Variants in CREB5 observed in about 807,000 individuals in gnomAD.
CREB5 encodes cAMP responsive element binding protein 5.
In CREB5, 19 loss-of-function variants were observed where a neutral mutation model predicts 57.1. That is an observed-to-expected ratio of 0.33 (90% confidence interval 0.23 to 0.49). The LOEUF is 0.49. Among genes scored for constraint, CREB5 ranks in the 20% least tolerant of loss-of-function variants. CREB5 has a pLI of 0.99. For missense variants in CREB5, 579 were observed against 671.6 expected (o/e 0.86, Z 1.52); for synonymous variants, 238 against 238.3 (o/e 1.00, Z 0.01).
At chr7:28,555,969 C>T (rs912802001) in intron 4 of CREB5, among the ~76,000 whole-genome samples, 3 of 152,090 alleles carry the variant, frequency 2.0e-5, no homozygotes, top group Non-Finnish European at 2.9e-5. Flanking sequence ...TTCCAGTTGC[C>T]GAAGACCAGG....
At position 28,488,387 on chromosome 7, in the gene CREB5, G is replaced by A. The variant is rs190561408; in HGVS notation, c.75+141G>A. 2.7e-3 allele frequency: 1,747 copies of A among 645,302 alleles called. 4 individuals carry two copies. Among genetic ancestry groups the A allele is most frequent in the Non-Finnish European group, 3.0e-3 (1,099 of 368,554 alleles). 40.0% of individuals were successfully genotyped at this position (645,302 alleles called of 1,614,324 possible). On this transcript the variant is annotated intron_variant, in intron 2 of 10. Transcript: ENST00000357727. ...CAAAGTCCCCCTCCCCATCAGTATCGTGATCATCATCATTTTCATCGCCAT... is the reference window on the plus strand; with the variant it reads ...CAAAGTCCCCCTCCCCATCAGTATCATGATCATCATCATTTTCATCGCCAT...
chr7:28,615,975 T>G (rs1351895063), intron 5 of CREB5: 1 of 152,254 alleles, frequency 6.6e-6, no homozygotes, highest in Non-Finnish European at 1.5e-5. Context: ...ACATGTCTTC[T>G]AAAACTCTTA....
chr7:28,782,207 AC>A (rs1807029719), intron 7 of CREB5, among the ~76,000 whole-genome samples: 1 of 152,128 alleles, frequency 6.6e-6, no homozygotes, highest in East Asian at 1.9e-4. Flanking sequence ...AGTGTTTTTG[AC>A]CCAAGACTGC....
At chr7:28,435,043 A>AAGCAG (rs1788891948) in intron 1 of CREB5, among the ~76,000 whole-genome samples, 1 of 151,456 alleles carries the variant, frequency 6.6e-6, no homozygotes, top group Non-Finnish European at 1.5e-5. Flanking sequence ...ATTCCTCTAA[A>AAGCAG]AGCAGAGGGA....
chr7:28,790,461 ATAGAGAG>A (rs1562643046), intron 7 of CREB5, among the ~76,000 whole-genome samples: 4 of 32,898 alleles, frequency 1.2e-4, no homozygotes, highest in Non-Finnish European at 2.9e-4. Context: ...AGAGAGAGAG[ATAGAGAG>A]AGAGAGAAAG....
intron 7 of CREB5, among the ~76,000 whole-genome samples, chr7:28,747,859 C>T (rs919236281): frequency 6.6e-6 from 1 of 152,166 alleles, no homozygotes; most frequent in Admixed American, 6.5e-5. Context: ...TTGTTAAGGG[C>T]GCCCCTCCCC....
At chr7:28,561,302 A>C (rs1795262623) in intron 4 of CREB5, among the ~76,000 whole-genome samples, 1 of 152,156 alleles carries the variant, frequency 6.6e-6, no homozygotes, top group Non-Finnish European at 1.5e-5. Flanking sequence ...AGGAAGACTG[A>C]CTTGAAACAT....
intron 5 of CREB5, among the ~76,000 whole-genome samples, chr7:28,642,973 C>CACACACAT (rs1798725691): frequency 2.5e-4 from 31 of 122,528 alleles, no homozygotes; most frequent in African/African-American, 9.7e-4. Flanking sequence ...CACACACACA[C>CACACACAT]ACACACACAC....
intron 4 of CREB5, among the ~76,000 whole-genome samples, chr7:28,551,805 G>C (rs777715882): frequency 6.7e-6 from 1 of 149,872 alleles, no homozygotes; most frequent in Non-Finnish European, 1.5e-5. Context: ...CAGGGTCTCA[G>C]GGTCACCTCT....
At chr7:28,755,994 T>A (rs1805274423) in intron 7 of CREB5, among the ~76,000 whole-genome samples, 1 of 152,214 alleles carries the variant, frequency 6.6e-6, no homozygotes, top group South Asian at 2.1e-4. Context: ...CAATGTATTC[T>A]ATCTTCTCAA....
At chr7:28,472,061 G>T (rs1314281434) in intron 1 of CREB5, among the ~76,000 whole-genome samples, 3 of 151,046 alleles carry the variant, frequency 2.0e-5, no homozygotes, top group African/African-American at 7.3e-5. Flanking sequence ...CTAACCTATG[G>T]AGAGAGAAAA....
At chr7:28,725,041 T>A (rs935778389) in intron 7 of CREB5, among the ~76,000 whole-genome samples, 1 of 152,180 alleles carries the variant, frequency 6.6e-6, no homozygotes, top group Non-Finnish European at 1.5e-5. Flanking sequence ...TTGAAATAGG[T>A]CATTTAGTTT....
rs1326179858 is a variant in CREB5, at chr7:28,494,977, A to C, written c.147A>C (p.Ile49=). 2 of 1,608,602 alleles carry C rather than the reference A, an allele frequency of 1.2e-6. No individual in the cohort carries two copies. Among genetic ancestry groups the C allele is most frequent in the South Asian group, 1.1e-5 (1 of 89,786 alleles). ...KHEMTLKFPS[I]KTDNMLSDQT... ...AAATGACTTTGAAGTTTCCTTCAAT[A>C]AAAACAGACAATATGTTATCAGGTA... is the stretch of plus-strand genomic sequence containing the variant. Residue 49 remains isoleucine, a synonymous_variant, in exon 3 of 11, where the codon ATA becomes ATC. Transcript: ENST00000357727.
At chr7:28,596,035 C>G (rs1368176845) in intron 5 of CREB5, among the ~76,000 whole-genome samples, 1 of 152,296 alleles carries the variant, frequency 6.6e-6, no homozygotes, top group African/African-American at 2.4e-5. Context: ...TCATGCAATC[C>G]CCTCTAGCTG....
intron 7 of CREB5, among the ~76,000 whole-genome samples, chr7:28,787,296 C>G (rs1807386618): frequency 6.6e-6 from 1 of 152,194 alleles, no homozygotes; most frequent in Non-Finnish European, 1.5e-5. Context: ...GGGCTGTTAG[C>G]ACTTTCATAC....
chr7:28,636,439 G>A (rs1798420624), intron 5 of CREB5, among the ~76,000 whole-genome samples: 1 of 152,080 alleles, frequency 6.6e-6, no homozygotes, highest in Admixed American at 6.6e-5. Flanking sequence ...TACCCCTACT[G>A]CATCCCCTGC....
intron 7 of CREB5, among the ~76,000 whole-genome samples, chr7:28,753,541 T>G (rs1805105034): frequency 6.6e-6 from 1 of 152,222 alleles, no homozygotes; most frequent in Non-Finnish European, 1.5e-5. Flanking sequence ...AAGATATTTC[T>G]GAGAAAATTA....
chr7:28,668,524 G>C (rs1217038584), intron 5 of CREB5, among the ~76,000 whole-genome samples: 1 of 152,046 alleles, frequency 6.6e-6, no homozygotes, highest in Non-Finnish European at 1.5e-5. Flanking sequence ...TGAAATATAT[G>C]TTTTCCTGTA....
At chr7:28,499,143 G>T (rs1792174431) in intron 3 of CREB5, among the ~76,000 whole-genome samples, 1 of 140,548 alleles carries the variant, frequency 7.1e-6, no homozygotes, top group Non-Finnish European at 1.5e-5. Context: ...TCCCCACCCT[G>T]AGTTCTTTAT....
Sources: gnomAD v4.1 joint callset for allele counts (sites outside exome capture counted in the v4.1 genomes callset) on GRCh38, gnomAD v4.1.1 for gene constraint, MANE v1.5 for transcripts, NCBI Gene and HGNC (gene_info 2026-07-23, HGNC 2026-07-21) for gene names.